Variants in NEK6 observed in about 807,000 individuals in gnomAD.
The protein encoded by NEK6 is serine/threonine-protein kinase Nek6.
Under a neutral mutation model 43.5 loss-of-function variants are expected in NEK6, and 27 were observed. The ratio of observed to expected loss-of-function variants is 0.62; its 90% confidence interval spans 0.46 to 0.86. NEK6 has a LOEUF of 0.86. Ranked by LOEUF, NEK6 falls within the 40% of genes least tolerant of loss-of-function variation. NEK6 has a pLI of 0.00. For missense variants in NEK6, 318 were observed against 414.4 expected (o/e 0.77, Z 2.02); for synonymous variants, 167 against 164.1 (o/e 1.02, Z -0.14).
intron 1 of NEK6, among the ~76,000 whole-genome samples, chr9:124,287,952 T>C (rs986706416): frequency 4.6e-5 from 7 of 152,212 alleles, no homozygotes; most frequent in African/African-American, 1.7e-4. Flanking sequence ...CCAAGATTTA[T>C]TTTATGGAGA....
intron 4 of NEK6, among the ~76,000 whole-genome samples, chr9:124,319,315 T>A (rs533723250): frequency 0.026 from 4,026 of 152,282 alleles, 174 homozygotes; most frequent in African/African-American, 0.091. Flanking sequence ...TTTTGTTTTT[T>A]TTTATTGATT....
At chr9:124,339,523 C>G (rs930314937) in intron 7 of NEK6, 48 bp from the exon 8 acceptor site, 1 of 1,386,540 alleles carries the variant, frequency 7.2e-7, no homozygotes, top group Non-Finnish European at 1.0e-6. Flanking sequence ...GTGCCCTGCC[C>G]CTGCCCTACA....
At chr9:124,271,591 G>A (rs1243327533) in intron 1 of NEK6, among the ~76,000 whole-genome samples, 1 of 152,260 alleles carries the variant, frequency 6.6e-6, no homozygotes, top group Non-Finnish European at 1.5e-5. Context: ...GAAGCTGCCA[G>A]TCCAAAGCCA....
chr9:124,346,784 G>A (rs1829951039), intron 8 of NEK6, among the ~76,000 whole-genome samples: 1 of 152,158 alleles, frequency 6.6e-6, no homozygotes, highest in Non-Finnish European at 1.5e-5. Context: ...GCAGCACCCT[G>A]ACAGCTGAGA....
At chr9:124,333,475 G>T (rs1372669043) in intron 7 of NEK6, among the ~76,000 whole-genome samples, 1 of 152,182 alleles carries the variant, frequency 6.6e-6, no homozygotes, top group Non-Finnish European at 1.5e-5. Flanking sequence ...AGGACCCTGT[G>T]CTGCCAGGCT....
intron 1 of NEK6, among the ~76,000 whole-genome samples, chr9:124,298,221 C>T (rs1044294759): frequency 6.6e-6 from 1 of 151,898 alleles, no homozygotes; most frequent in Admixed American, 6.6e-5. Flanking sequence ...CTCCTTCCCC[C>T]TCGCGCCTCC....
chr9:124,320,317 CCCCCA>C (rs1834003982), intron 4 of NEK6, among the ~76,000 whole-genome samples: 1 of 152,300 alleles, frequency 6.6e-6, no homozygotes, highest in African/African-American at 2.4e-5. Context: ...CCTGCTCTGG[CCCCCA>C]GGGCCCACAC....
rs924713613 is a variant in NEK6 at position 124,351,306 on chromosome 9, G to A, written c.*359G>A. ...GACCTGTCAAGGCTTATGCTAACAG[G>A]AGACTTGCAGGAGACCGTGTGATTT... On this transcript the variant is annotated 3_prime_UTR_variant, in exon 10 of 10. Coordinates refer to ENST00000320246, the MANE Select transcript of NEK6 (RefSeq NM_014397.6). 1 of 220,614 alleles carries A rather than the reference G, an allele frequency of 4.5e-6. No individual in the cohort carries two copies. The highest frequency in any genetic ancestry group is 9.1e-6 in the Non-Finnish European group (1 of 109,910). The allele number at this position is 220,614 out of a possible 1,614,324, so 13.7% of individuals were successfully genotyped here.
chr9:124,333,366 C>T (rs542669442), intron 7 of NEK6, among the ~76,000 whole-genome samples: 1 of 152,112 alleles, frequency 6.6e-6, no homozygotes, highest in African/African-American at 2.4e-5. Flanking sequence ...GACACCCTGC[C>T]CCCCAGTGAG....
chr9:124,286,685 CG>C (rs1288401649), intron 1 of NEK6, among the ~76,000 whole-genome samples: 2 of 152,302 alleles, frequency 1.3e-5, no homozygotes, highest in East Asian at 3.9e-4. Context: ...GGCTGAGGCC[CG>C]GGGGCCAGTT....
At position 124,352,845 on chromosome 9, in the gene NEK6, C is replaced by T. The variant is rs908805521; in HGVS notation, c.*1898C>T. The T allele has an allele frequency of 2.6e-5, 4 of 152,374 alleles. No homozygotes were observed. The highest frequency in any genetic ancestry group is 9.7e-5 in the African/African-American group (4 of 41,444). The allele number at this position is 152,374 out of a possible 1,614,324, so 9.4% of individuals were successfully genotyped here. A position where few individuals can be genotyped will look rare whatever the true frequency, so the allele number is the denominator to read the frequency against. On this transcript the variant is annotated 3_prime_UTR_variant, in exon 10 of 10. Transcript: ENST00000320246. ...GCCGTGTCTCCCCAACACTGCCAGCCCCAGCACGCAATCAACCTACTTTGT... is the reference window on the plus strand; with the variant it reads ...GCCGTGTCTCCCCAACACTGCCAGCTCCAGCACGCAATCAACCTACTTTGT...
chr9:124,292,369 A>G, intron 1 of NEK6: 1 of 1,510,636 alleles, frequency 6.6e-7, no homozygotes, highest in Admixed American at 2.1e-5. Context: ...CTTGGCCAGA[A>G]CTTCTGAGTT....
At chr9:124,295,746 G>A (rs1175478645) in intron 1 of NEK6, among the ~76,000 whole-genome samples, 1 of 152,228 alleles carries the variant, frequency 6.6e-6, no homozygotes, top group African/African-American at 2.4e-5. Flanking sequence ...CTGTTATTCT[G>A]GTGCTCCCTG....
intron 8 of NEK6, among the ~76,000 whole-genome samples, chr9:124,344,982 A>G (rs1156236078): frequency 6.6e-6 from 1 of 152,246 alleles, no homozygotes; most frequent in South Asian, 2.1e-4. Context: ...CTGGGTGACA[A>G]GATGGGTGTC....
At chr9:124,271,230 C>T (rs1486358165) in intron 1 of NEK6, among the ~76,000 whole-genome samples, 3 of 152,388 alleles carry the variant, frequency 2.0e-5, no homozygotes, top group Admixed American at 1.3e-4. Flanking sequence ...CTGACTTCCG[C>T]TCCTTGAGTG....
At chr9:124,299,290 C>T (rs188789920) in intron 1 of NEK6, among the ~76,000 whole-genome samples, 10 of 152,344 alleles carry the variant, frequency 6.6e-5, no homozygotes, top group African/African-American at 1.7e-4. Context: ...CCCTGGAGGT[C>T]TCCCTAAGGG....
chr9:124,280,948 A>G (rs1030603660), intron 1 of NEK6, among the ~76,000 whole-genome samples: 1 of 152,068 alleles, frequency 6.6e-6, no homozygotes, highest in African/African-American at 2.4e-5. Flanking sequence ...GCATGCCACC[A>G]CAGCTAATTT....
At chr9:124,283,957 G>A (rs534029014) in intron 1 of NEK6, among the ~76,000 whole-genome samples, 1 of 152,342 alleles carries the variant, frequency 6.6e-6, no homozygotes, top group South Asian at 2.1e-4. Flanking sequence ...GCACACGCTT[G>A]GTGCCCAGCA....
intron 1 of NEK6, among the ~76,000 whole-genome samples, chr9:124,260,426 C>T (rs1830986900): frequency 6.6e-6 from 1 of 152,182 alleles, no homozygotes; most frequent in East Asian, 1.9e-4. Context: ...CAGAGTCTCA[C>T]TCTGTTGCCC....
Sources: gnomAD v4.1 joint callset for allele counts (sites outside exome capture counted in the v4.1 genomes callset) on GRCh38, gnomAD v4.1.1 for gene constraint, MANE v1.5 for transcripts, NCBI Gene and HGNC (gene_info 2026-07-23, HGNC 2026-07-21) for gene names.